ATXN2: variants seen among roughly 807,000 people sequenced by gnomAD.
ATXN2 encodes ataxin-2.
In ATXN2, 37 loss-of-function variants were observed where a neutral mutation model predicts 138.6. The observed-to-expected ratio is 0.27, with a 90% CI of 0.21 to 0.35. The LOEUF (loss-of-function observed/expected upper bound fraction) is 0.35. Ranked by LOEUF, ATXN2 falls within the 10% of genes least tolerant of loss-of-function variation. The pLI, the probability that ATXN2 is intolerant of heterozygous loss-of-function variation, is 1.00. For missense variants in ATXN2, 1,216 were observed against 1,480.3 expected, an observed-to-expected ratio of 0.82 and a Z score of 2.93; for synonymous variants, 549 against 543.7, an observed-to-expected ratio of 1.01 and a Z score of -0.13.
At chr12:111,567,660 A>T (rs1452629009) in intron 1 of ATXN2, among the ~76,000 whole-genome samples, 1 of 151,958 alleles carries the variant, frequency 6.6e-6, no homozygotes, top group African/African-American at 2.4e-5. Context: ...CTAAAAATAT[A>T]AAAATTAGCC....
intron 14 of ATXN2, among the ~76,000 whole-genome samples, chr12:111,507,918 G>A (rs1879264926): frequency 6.6e-6 from 1 of 152,134 alleles, no homozygotes; most frequent in African/African-American, 2.4e-5. Context: ...AATGGATTAA[G>A]GGCGGTGCAA....
At chr12:111,547,478 C>G (rs1756782067) in intron 5 of ATXN2, among the ~76,000 whole-genome samples, 1 of 151,908 alleles carries the variant, frequency 6.6e-6, no homozygotes, top group Non-Finnish European at 1.5e-5. Flanking sequence ...GTGATCCCAG[C>G]ACTTTGGGAG....
At chr12:111,476,964 A>T (rs1331248860) in intron 18 of ATXN2, among the ~76,000 whole-genome samples, 1 of 152,208 alleles carries the variant, frequency 6.6e-6, no homozygotes, top group Non-Finnish European at 1.5e-5. Context: ...ATAAAGAGAG[A>T]ATTGGCATAA....
At chr12:111,505,742 G>T (rs1879065605) in intron 14 of ATXN2, among the ~76,000 whole-genome samples, 1 of 152,192 alleles carries the variant, frequency 6.6e-6, no homozygotes, top group Non-Finnish European at 1.5e-5. Context: ...CCCTGCTGGT[G>T]GGAATGTAAA....
chr12:111,458,454 T>C (rs895804114), intron 21 of ATXN2: 3 of 152,140 alleles, frequency 2.0e-5, no homozygotes, highest in East Asian at 1.9e-4. Context: ...AAACAGTAAG[T>C]TGAGAATCAG....
intron 5 of ATXN2, among the ~76,000 whole-genome samples, chr12:111,536,771 C>T (rs971233897): frequency 1.3e-5 from 2 of 149,602 alleles, no homozygotes; most frequent in Non-Finnish European, 3.0e-5. Context: ...CCTATGTCCA[C>T]ACGCAGTTTT....
chr12:111,478,200 A>G (rs969038431), intron 18 of ATXN2, among the ~76,000 whole-genome samples: 1 of 152,122 alleles, frequency 6.6e-6, no homozygotes, highest in African/African-American at 2.4e-5. Flanking sequence ...TGAGGTCAGG[A>G]GTTAGAGACC....
rs11065935 is a variant in ATXN2, at chr12:111,513,348, G to A, written c.1558+9C>T. 6.2e-7 allele frequency: 1 copy of A among 1,609,976 alleles called. No individual in the cohort carries two copies. The highest frequency in any genetic ancestry group is 2.2e-5 in the East Asian group (1 of 44,570). On this transcript the variant is annotated intron_variant, in intron 11 of 24. Transcript: ENST00000673436. The stretch of plus-strand genomic sequence containing the variant: ...ATGAGTACCATCATTATGCCCAAGT[G>A]TTACCTACCCCCACTGACCACTGAT...
intron 6 of ATXN2, among the ~76,000 whole-genome samples, chr12:111,522,775 G>A (rs1446277884): frequency 2.0e-5 from 3 of 151,976 alleles, no homozygotes; most frequent in Non-Finnish European, 4.4e-5. Flanking sequence ...TTAGCCAGAT[G>A]TGGTGGCGGG....
chr12:111,519,334 T>C (rs926442977), intron 8 of ATXN2, among the ~76,000 whole-genome samples: 2 of 152,162 alleles, frequency 1.3e-5, no homozygotes, highest in African/African-American at 2.4e-5. Context: ...GATCCTGTGT[T>C]CCAGACACAT....
At chr12:111,527,205 A>C (rs1365365713) in intron 5 of ATXN2, among the ~76,000 whole-genome samples, 1 of 152,170 alleles carries the variant, frequency 6.6e-6, no homozygotes, top group Non-Finnish European at 1.5e-5. Flanking sequence ...CATTTAAATG[A>C]CTGGACCCAT....
chr12:111,503,591 T>C (rs1878919462), intron 14 of ATXN2, among the ~76,000 whole-genome samples: 1 of 152,048 alleles, frequency 6.6e-6, no homozygotes, highest in Admixed American at 6.6e-5. Flanking sequence ...GACACATATT[T>C]TTTTTTTCCA....
chr12:111,544,643 G>A (rs1266370912), intron 5 of ATXN2, among the ~76,000 whole-genome samples: 1 of 152,054 alleles, frequency 6.6e-6, no homozygotes, highest in African/African-American at 2.4e-5. Context: ...CAAACACTGG[G>A]GACACACATC....
At chr12:111,579,695 C>G (rs908309093) in intron 1 of ATXN2, among the ~76,000 whole-genome samples, 2 of 150,144 alleles carry the variant, frequency 1.3e-5, no homozygotes, top group African/African-American at 4.9e-5. Context: ...ATAGTACAGA[C>G]GACCTTTTTT....
intron 18 of ATXN2, among the ~76,000 whole-genome samples, chr12:111,484,597 C>T (rs984379398): frequency 3.9e-5 from 6 of 152,036 alleles, no homozygotes; most frequent in African/African-American, 7.2e-5. Context: ...CCACCATGTC[C>T]GGCTAATTTT....
intron 10 of ATXN2, among the ~76,000 whole-genome samples, chr12:111,514,085 GTTTA>G (rs1879718999): frequency 1.3e-5 from 2 of 152,094 alleles, no homozygotes; most frequent in South Asian, 4.2e-4. Flanking sequence ...TAAAATTTTA[GTTTA>G]TTTATCTCTT....
At chr12:111,573,608 C>T (rs1166049981) in intron 1 of ATXN2, among the ~76,000 whole-genome samples, 1 of 152,208 alleles carries the variant, frequency 6.6e-6, no homozygotes, top group Non-Finnish European at 1.5e-5. Context: ...TCAGCTTTGT[C>T]ACTTCCTATC....
In ATXN2 at chr12:111,488,487, T is replaced by C. The variant is rs1877788997; in HGVS notation, c.2229A>G (p.Lys743=). ...CCAGGTTTACTCACTCAGCTGCGTC[T>C]TTCTTCTCTTCCTTATCGTCTTTCT... is the stretch of plus-strand genomic sequence containing the variant. ...KQEKDDKEEK[K]DAAEQVRKST... is the part of the protein sequence containing the mutation. Residue 743 remains lysine, a synonymous_variant, in exon 15 of 25, where the codon AAA becomes AAG. Transcript: ENST00000673436. 1.2e-6 allele frequency: 2 copies of C among 1,609,310 alleles called. No homozygotes were observed. Among genetic ancestry groups the C allele is most frequent in the Non-Finnish European group, 1.7e-6 (2 of 1,177,186 alleles).
chr12:111,501,464 G>A (rs1878757003), intron 14 of ATXN2, among the ~76,000 whole-genome samples: 1 of 152,176 alleles, frequency 6.6e-6, no homozygotes, highest in African/African-American at 2.4e-5. Context: ...AGCCAAAAAG[G>A]TTGCCTTAAA....
Sources: gnomAD v4.1 joint callset for allele counts (sites outside exome capture counted in the v4.1 genomes callset) on GRCh38, gnomAD v4.1.1 for gene constraint, MANE v1.5 for transcripts, NCBI Gene and HGNC (gene_info 2026-07-23, HGNC 2026-07-21) for gene names.